Variants in NHLRC2 observed in about 807,000 individuals in gnomAD.
NHLRC2 encodes the protein NHL repeat containing 2, also known as NHL repeat-containing protein 2.
A neutral mutation model predicts 68.1 loss-of-function variants in NHLRC2; 33 were observed. That is an observed-to-expected ratio of 0.48 (90% CI 0.37 to 0.65). The LOEUF (loss-of-function observed/expected upper bound fraction) is 0.65, where lower values mean the gene tolerates loss of function less well. Ranked by LOEUF, NHLRC2 falls within the 30% of genes least tolerant of loss-of-function variation. The pLI, the probability that NHLRC2 is intolerant of heterozygous loss-of-function variation, is 0.00. For synonymous variants in NHLRC2, 311 were observed against 309.6 expected (o/e 1.00, Z -0.05); for missense variants, 761 against 853.8 (o/e 0.89, Z 1.35).
At position 113,914,971 on chromosome 10, in the gene NHLRC2, G is replaced by T. The variant is rs1283571072; in HGVS notation, c.*6435G>T. 6 of 456,282 alleles carry T rather than the reference G, an allele frequency of 1.3e-5. No homozygotes were observed. The Admixed American group carries it at 1.4e-4, about 11-fold the overall frequency. The allele number at this position is 456,282 out of a possible 1,614,324, so 28.3% of individuals were successfully genotyped here. ...GGCTGCCTCAGGCTTGCAGAAGGCT[G>T]CCCCAATCACAGAGCCTGGGTAAGG... On this transcript the variant is annotated 3_prime_UTR_variant, in exon 11 of 11. Transcript: ENST00000369301.
At position 113,909,671 on chromosome 10, in the gene NHLRC2, T is replaced by TA. The variant is rs542211398; in HGVS notation, c.*1142dup. 3.9e-5 allele frequency: 6 copies of TA among 152,170 alleles called. No homozygotes were observed. In the East Asian group the frequency reaches 1.2e-3, roughly 29 times the overall value. The allele number at this position is 152,170 out of a possible 1,614,324, so 9.4% of individuals were successfully genotyped here. A position where few individuals can be genotyped will look rare whatever the true frequency, so the allele number is the denominator to read the frequency against. ...TTTAATTTTTGTTGTTTTTTATCCC[T>TA]AAAAAAAGATATTGGAAAGGTTTTT... On this transcript the variant is annotated 3_prime_UTR_variant, in exon 11 of 11. Transcript: ENST00000369301.
intron 3 of NHLRC2, among the ~76,000 whole-genome samples, chr10:113,878,858 A>G (rs1846010311): frequency 6.6e-6 from 1 of 152,056 alleles, no homozygotes; most frequent in Admixed American, 6.6e-5. Flanking sequence ...ACTCTGTTAC[A>G]CTACCTTTTT....
intron 2 of NHLRC2, among the ~76,000 whole-genome samples, chr10:113,874,442 T>TTGTGTGTGTG (rs58207579): frequency 8.0e-6 from 1 of 125,650 alleles, no homozygotes; most frequent in African/African-American, 2.9e-5. Context: ...AGGCATGTGT[T>TTGTGTGTGTG]TGTGTGTGTG....
At chr10:113,899,503 G>A (rs534563600) in intron 6 of NHLRC2, among the ~76,000 whole-genome samples, 2 of 152,304 alleles carry the variant, frequency 1.3e-5, no homozygotes, top group South Asian at 4.1e-4. Flanking sequence ...CAATAGGGAT[G>A]AAATATGCTC....
At position 113,910,130 on chromosome 10, in the gene NHLRC2, A is replaced by G. The variant is rs1846312999; in HGVS notation, c.*1594A>G. The G allele has an allele frequency of 6.6e-6, 1 of 152,208 alleles. No homozygotes were observed. The highest frequency in any genetic ancestry group is 1.5e-5 in the Non-Finnish European group (1 of 68,034). The allele number at this position is 152,208 out of a possible 1,614,324, so 9.4% of individuals were successfully genotyped here. On this transcript the variant is annotated 3_prime_UTR_variant, in exon 11 of 11. Coordinates refer to ENST00000369301, the MANE Select transcript of NHLRC2 (RefSeq NM_198514.4). ...CATAAACCTTTTCTCTCCACAAGCA[A>G]TCAAAAAAATGAAATGTTCTGTAAT...
intron 2 of NHLRC2, among the ~76,000 whole-genome samples, chr10:113,868,369 A>AC (rs1845889787): frequency 6.6e-6 from 1 of 152,192 alleles, no homozygotes; most frequent in East Asian, 1.9e-4. Flanking sequence ...TAAAGGGCAG[A>AC]ATCTTTTACA....
chr10:113,898,558 A>T (rs1320334300), intron 6 of NHLRC2, among the ~76,000 whole-genome samples: 1 of 152,222 alleles, frequency 6.6e-6, no homozygotes, highest in Non-Finnish European at 1.5e-5. Flanking sequence ...ACATTTTATC[A>T]GCCAGAGTAA....
intron 2 of NHLRC2, among the ~76,000 whole-genome samples, chr10:113,869,991 T>C (rs1845907334): frequency 6.6e-6 from 1 of 152,166 alleles, no homozygotes; most frequent in Admixed American, 6.5e-5. Context: ...CTGAGTCAGC[T>C]ATTTCTTTAA....
At chr10:113,891,361 T>C (rs2134724663) in intron 5 of NHLRC2, among the ~76,000 whole-genome samples, 1 of 152,316 alleles carries the variant, frequency 6.6e-6, no homozygotes, top group South Asian at 2.1e-4. Context: ...ATCATTCCTT[T>C]GTTACTCGGA....
At chr10:113,875,288 C>T (rs1242139746) in intron 2 of NHLRC2, among the ~76,000 whole-genome samples, 2 of 152,100 alleles carry the variant, frequency 1.3e-5, no homozygotes, top group Non-Finnish European at 2.9e-5. Flanking sequence ...CCCAGTTATT[C>T]AGTTATCAGC....
chr10:113,876,130 A>G (rs7075791), intron 2 of NHLRC2, among the ~76,000 whole-genome samples: 1 of 152,056 alleles, frequency 6.6e-6, no homozygotes, highest in Non-Finnish European at 1.5e-5. Context: ...AGACAGTGAT[A>G]CAACAATAAA....
At chr10:113,860,115 G>A (rs1241036616) in intron 2 of NHLRC2, among the ~76,000 whole-genome samples, 2 of 152,202 alleles carry the variant, frequency 1.3e-5, no homozygotes, top group Non-Finnish European at 1.5e-5. Context: ...GTTCTTAATA[G>A]TTTAGACTTT....
chr10:113,888,103 A>T (rs1846098315), intron 5 of NHLRC2, among the ~76,000 whole-genome samples: 2 of 152,202 alleles, frequency 1.3e-5, no homozygotes, highest in Admixed American at 1.3e-4. Flanking sequence ...ATTTAAAAAA[A>T]TTGTAAGAAA....
chr10:113,862,887 T>C (rs893533349), intron 2 of NHLRC2, among the ~76,000 whole-genome samples: 1 of 152,154 alleles, frequency 6.6e-6, no homozygotes, highest in Non-Finnish European at 1.5e-5. Flanking sequence ...TCACCTGTAA[T>C]CCCAGCTACT....
At chr10:113,874,759 CT>C (rs986393196) in intron 2 of NHLRC2, among the ~76,000 whole-genome samples, 1 of 151,592 alleles carries the variant, frequency 6.6e-6, no homozygotes, top group African/African-American at 2.4e-5. Context: ...TTCTTTCTCT[CT>C]TTATGTTCTT....
chr10:113,861,126 C>G (rs1456542531), intron 2 of NHLRC2, among the ~76,000 whole-genome samples: 1 of 152,026 alleles, frequency 6.6e-6, no homozygotes, highest in Non-Finnish European at 1.5e-5. Flanking sequence ...ATCAGTGAAC[C>G]TGAAGATAAG....
chr10:113,884,222 G>A, intron 4 of NHLRC2, 29 bp from the exon 5 acceptor site: 2 of 1,594,338 alleles, frequency 1.3e-6, no homozygotes, highest in Non-Finnish European at 1.7e-6. Context: ...AACATTCATT[G>A]CATAAAACCA....
At chr10:113,870,371 T>C (rs1343467390) in intron 2 of NHLRC2, among the ~76,000 whole-genome samples, 1 of 152,210 alleles carries the variant, frequency 6.6e-6, no homozygotes, top group Admixed American at 6.5e-5. Flanking sequence ...ATTTCCTTTT[T>C]TTTAAAACAA....
chr10:113,903,257 G>A (rs1158811522), intron 8 of NHLRC2, among the ~76,000 whole-genome samples: 2 of 152,056 alleles, frequency 1.3e-5, no homozygotes, highest in Non-Finnish European at 2.9e-5. Context: ...TTTAATTCCA[G>A]AAATAACTTC....
Sources: gnomAD v4.1 joint callset for allele counts (sites outside exome capture counted in the v4.1 genomes callset) on GRCh38, gnomAD v4.1.1 for gene constraint, MANE v1.5 for transcripts, NCBI Gene and HGNC (gene_info 2026-07-23, HGNC 2026-07-21) for gene names.